ASIC2: variants seen among roughly 807,000 people sequenced by gnomAD.
ASIC2 encodes the protein acid sensing ion channel subunit 2, also known as acid-sensing ion channel 2.
ASIC2 carries 25 observed loss-of-function variants against 57.3 expected under a neutral mutation model. The observed-to-expected ratio is 0.44, with a 90% CI of 0.32 to 0.61. The LOEUF is 0.61. Ranked by LOEUF, ASIC2 falls within the 20% of genes least tolerant of loss-of-function variation. The pLI, the probability that ASIC2 is intolerant of heterozygous loss-of-function variation, is 0.06. For missense variants in ASIC2, 641 were observed against 738.1 expected (o/e 0.87, Z 1.52); for synonymous variants, 319 against 307.5 (o/e 1.04, Z -0.39).
chr17:34,041,909 T>C (rs1908147661), intron 1 of ASIC2, among the ~76,000 whole-genome samples: 1 of 152,222 alleles, frequency 6.6e-6, no homozygotes, highest in Non-Finnish European at 1.5e-5. Context: ...ATGTCCCTTA[T>C]GACCAAGGAA....
At chr17:33,315,145 G>T (rs944366076) in intron 1 of ASIC2, among the ~76,000 whole-genome samples, 1 of 152,140 alleles carries the variant, frequency 6.6e-6, no homozygotes, top group African/African-American at 2.4e-5. Context: ...AAACTACCTT[G>T]CATATTAGAG....
chr17:33,743,316 C>T (rs997121121), intron 1 of ASIC2, among the ~76,000 whole-genome samples: 4 of 152,210 alleles, frequency 2.6e-5, no homozygotes, highest in African/African-American at 9.7e-5. Context: ...CAACTTGCTC[C>T]CTATCTTCCA....
At chr17:33,788,646 C>T (rs1911675993) in intron 1 of ASIC2, among the ~76,000 whole-genome samples, 1 of 152,114 alleles carries the variant, frequency 6.6e-6, no homozygotes, top group Admixed American at 6.5e-5. Flanking sequence ...GACTTGGAAC[C>T]AACCCAAATA....
chr17:33,233,866 G>A lies in ASIC2; in HGVS notation c.708+57542C>T, dbSNP rs576868504. Among the ~76,000 whole-genome samples, 12 of 152,228 alleles carry A rather than the reference G, an allele frequency of 7.9e-5. No individual in the cohort carries two copies. The South Asian group carries it at 2.3e-3, about 29-fold the overall frequency. On this transcript the variant is annotated intron_variant, in intron 1 of 9. Coordinates refer to ENST00000225823, the MANE Select transcript of ASIC2 (RefSeq NM_183377.2). ...AAGCAGATTGTCAAGAGAAACCTCC[G>A]GTGCACACGCTTACCAAGTGCTGCT... is the stretch of plus-strand genomic sequence containing the variant.
intron 1 of ASIC2, among the ~76,000 whole-genome samples, chr17:33,173,287 C>T (rs1905601265): frequency 1.3e-5 from 2 of 152,140 alleles, no homozygotes; most frequent in African/African-American, 2.4e-5. Context: ...CAGAAGCAGG[C>T]TATCTGGGGT....
intron 1 of ASIC2, among the ~76,000 whole-genome samples, chr17:33,586,055 C>G (rs964220496): frequency 2.0e-5 from 3 of 152,150 alleles, no homozygotes; most frequent in Admixed American, 1.3e-4. Flanking sequence ...ACTCAGCCAC[C>G]TCTAAGTTGT....
intron 1 of ASIC2, among the ~76,000 whole-genome samples, chr17:33,992,848 A>C (rs573763913): frequency 6.6e-6 from 1 of 152,348 alleles, no homozygotes; most frequent in Non-Finnish European, 1.5e-5. Flanking sequence ...GAATGACCAG[A>C]GTCAGCAAAC....
At chr17:33,650,804 T>C (rs867238835) in intron 1 of ASIC2, among the ~76,000 whole-genome samples, 5 of 152,326 alleles carry the variant, frequency 3.3e-5, no homozygotes, top group South Asian at 2.1e-4. Flanking sequence ...AACAGATTAG[T>C]GGCTCCCAAG....
intron 1 of ASIC2, among the ~76,000 whole-genome samples, chr17:33,600,650 G>A (rs1905098779): frequency 6.6e-6 from 1 of 152,108 alleles, no homozygotes; most frequent in South Asian, 2.1e-4. Flanking sequence ...TCAGACCTTG[G>A]TGATGACCTT....
chr17:33,386,533 A>G (rs1909682513), intron 1 of ASIC2, among the ~76,000 whole-genome samples: 1 of 152,146 alleles, frequency 6.6e-6, no homozygotes, highest in Non-Finnish European at 1.5e-5. Flanking sequence ...ATAGAATTTG[A>G]AACCATCCAC....
intron 1 of ASIC2, among the ~76,000 whole-genome samples, chr17:33,725,872 A>G (rs1045636556): frequency 2.0e-5 from 3 of 152,162 alleles, no homozygotes; most frequent in African/African-American, 7.2e-5. Flanking sequence ...CTGACCCCAC[A>G]GAGCCACACG....
intron 1 of ASIC2, among the ~76,000 whole-genome samples, chr17:33,343,110 C>A (rs1907794652): frequency 6.6e-6 from 1 of 152,188 alleles, no homozygotes; most frequent in South Asian, 2.1e-4. Context: ...CAAATTGTAG[C>A]AGGAGAGAGG....
chr17:33,892,371 G>A (rs1007938303), intron 1 of ASIC2, among the ~76,000 whole-genome samples: 1 of 152,124 alleles, frequency 6.6e-6, no homozygotes, highest in East Asian at 1.9e-4. Context: ...TGGGGAATAA[G>A]GATCCCAGAC....
At chr17:33,403,727 A>G (rs1910366986) in intron 1 of ASIC2, among the ~76,000 whole-genome samples, 1 of 152,204 alleles carries the variant, frequency 6.6e-6, no homozygotes. Context: ...AACCTCCATC[A>G]TCATTTGACA....
At chr17:33,247,408 C>A (rs1403126961) in intron 1 of ASIC2, among the ~76,000 whole-genome samples, 2 of 152,176 alleles carry the variant, frequency 1.3e-5, no homozygotes, top group African/African-American at 4.8e-5. Context: ...GTCCATCTGG[C>A]AGCTCTTCAG....
intron 1 of ASIC2, among the ~76,000 whole-genome samples, chr17:33,923,099 C>T (rs568548321): frequency 5.3e-5 from 8 of 152,264 alleles, no homozygotes; most frequent in South Asian, 2.1e-4. Flanking sequence ...ATGGAACCTG[C>T]GGGATTCCTG....
chr17:33,912,698 G>A (rs1417198161), intron 1 of ASIC2, among the ~76,000 whole-genome samples: 1 of 127,086 alleles, frequency 7.9e-6, no homozygotes, highest in Non-Finnish European at 1.7e-5. Context: ...TATAGACTAG[G>A]GCCGGGTGAG....
At chr17:33,591,269 G>T (rs1020341301) in intron 1 of ASIC2, among the ~76,000 whole-genome samples, 2 of 152,200 alleles carry the variant, frequency 1.3e-5, no homozygotes, top group Non-Finnish European at 2.9e-5. Flanking sequence ...ATTCGGAATT[G>T]TGTGACACAT....
intron 1 of ASIC2, among the ~76,000 whole-genome samples, chr17:33,171,605 G>A (rs1905524389): frequency 6.6e-6 from 1 of 152,216 alleles, no homozygotes; most frequent in Admixed American, 6.5e-5. Flanking sequence ...AGGTCTCCCT[G>A]CAGCTCCTCT....
Sources: gnomAD v4.1 joint callset for allele counts (sites outside exome capture counted in the v4.1 genomes callset) on GRCh38, gnomAD v4.1.1 for gene constraint, MANE v1.5 for transcripts, NCBI Gene and HGNC (gene_info 2026-07-23, HGNC 2026-07-21) for gene names.